AADACL2: variants seen among roughly 807,000 people sequenced by gnomAD.
The protein encoded by AADACL2 is arylacetamide deacetylase-like 2.
AADACL2 carries 23 observed loss-of-function variants against 22.3 expected under a neutral mutation model. The ratio of observed to expected loss-of-function variants is 1.03; its 90% CI spans 0.74 to 1.46. The LOEUF is 1.46. Ranked by LOEUF, AADACL2 falls within the 40% of genes most tolerant of loss-of-function variation. The pLI, the probability that AADACL2 is intolerant of heterozygous loss-of-function variation, is 0.00. For missense variants in AADACL2, 472 were observed against 482.9 expected (o/e 0.98, Z 0.21); for synonymous variants, 177 against 166.2 (o/e 1.07, Z -0.50).
chr3:151,734,090 T>G lies in AADACL2; in HGVS notation c.55T>G (p.Phe19Val). ...GCTTTGTGTTCTTTTTGTCTCTCAT[T>G]TTTACACACCCATGCCAGACAACAT... ...GLLCVLFVSH[F>V]YTPMPDNIEE... Residue 19 changes from phenylalanine (F) to valine (V), a missense_variant, in exon 1 of 5, where the codon TTT becomes GTT. Physicochemically the swap from Phe to Val is conservative, Grantham distance 50. Around this residue, in one of 3 missense-constraint regions of AADACL2, gnomAD observed 356 missense variants for 365.5 expected, o/e 0.97. Coordinates refer to ENST00000356517, the MANE Select transcript of AADACL2 (RefSeq NM_207365.4). 6.2e-7 allele frequency: 1 copy of G among 1,613,558 alleles called. No individual in the cohort carries two copies. The highest frequency in any genetic ancestry group is 8.5e-7 in the Non-Finnish European group (1 of 1,179,776).
chr3:151,752,031 C>A (rs922160934), intron 4 of AADACL2, among the ~76,000 whole-genome samples: 4 of 152,156 alleles, frequency 2.6e-5, no homozygotes, highest in African/African-American at 9.7e-5. Flanking sequence ...TTTCTTTATC[C>A]TTTCCTATTT....
chr3:151,734,731 T>C (rs998932564), intron 1 of AADACL2, among the ~76,000 whole-genome samples: 2 of 152,170 alleles, frequency 1.3e-5, no homozygotes, highest in Non-Finnish European at 2.9e-5. Context: ...TAGAAACTAA[T>C]ATTTTTGAGT....
At position 151,745,467 on chromosome 3, in the gene AADACL2, G is replaced by A. The variant is rs763451183; in HGVS notation, c.432-42G>A. On this transcript the variant is annotated intron_variant, in intron 3 of 4. Transcript: ENST00000356517. ...CTATTTGGTATTTGAGAATTAGATG[G>A]ACAGATACAACCATAAATGCTTTAT... is the stretch of plus-strand genomic sequence containing the variant. 16 of 1,572,052 alleles carry A rather than the reference G, an allele frequency of 1.0e-5. No homozygotes were observed. In the South Asian group the frequency reaches 1.8e-4, roughly 18 times the overall value.
rs543895559 is a variant in AADACL2, at chr3:151,755,797, T to C, written c.604-1195T>C. Among the ~76,000 whole-genome samples, 3 of 152,208 alleles carry C rather than the reference T, an allele frequency of 2.0e-5. No homozygotes were observed. The East Asian group carries it at 5.8e-4, about 29-fold the overall frequency. On this transcript the variant is annotated intron_variant, in intron 4 of 4. Transcript: ENST00000356517. The stretch of plus-strand genomic sequence containing the variant: ...CCCTGTTTATGTGTTCTCTGTTTGT[T>C]TTTTTCCTAGATTAGCGAGATTGAG...
At position 151,757,970 on chromosome 3, in the gene AADACL2, TA is replaced by T; in HGVS notation, c.*381del. 1 of 166,076 alleles carries T rather than the reference TA, an allele frequency of 6.0e-6. No individual in the cohort carries two copies. The highest frequency in any genetic ancestry group is 1.7e-4 in the East Asian group (1 of 5,792). The allele number at this position is 166,076 out of a possible 1,614,324, so 10.3% of individuals were successfully genotyped here. A position where few individuals can be genotyped will look rare whatever the true frequency, so the allele number is the denominator to read the frequency against. On this transcript the variant is annotated 3_prime_UTR_variant, in exon 5 of 5. Transcript: ENST00000356517. ...AAAAAACATGGAACAAACTTGCTGC[TA>T]AAAATATATGGAAACCACTGGACTA...
chr3:151,756,002 T>C (rs1247507063), intron 4 of AADACL2, among the ~76,000 whole-genome samples: 1 of 152,134 alleles, frequency 6.6e-6, no homozygotes, highest in East Asian at 1.9e-4. Flanking sequence ...GTAGAGATGG[T>C]AGGATACCAT....
intron 2 of AADACL2, among the ~76,000 whole-genome samples, chr3:151,743,885 T>C (rs181276803): frequency 1.3e-5 from 2 of 152,100 alleles, no homozygotes; most frequent in African/African-American, 4.8e-5. Context: ...GGTGAAGTCA[T>C]CCTTTTCCTC....
chr3:151,741,567 T>G (rs796655864), intron 2 of AADACL2, among the ~76,000 whole-genome samples: 5 of 152,268 alleles, frequency 3.3e-5, no homozygotes, highest in African/African-American at 1.2e-4. Context: ...TTCTTAATGT[T>G]TTCAATACAT....
Position 151,758,468 on chromosome 3 carries a change from C to A in AADACL2, c.*874C>A, listed in dbSNP as rs1013758034. 11 of 151,968 alleles carry A rather than the reference C, an allele frequency of 7.2e-5. No individual in the cohort carries two copies. The highest frequency in any genetic ancestry group is 2.7e-4 in the African/African-American group (11 of 41,366). The allele number at this position is 151,968 out of a possible 1,614,324, so 9.4% of individuals were successfully genotyped here. ...CCCCACCCTTTTCTATATAAAGTAA[C>A]CTTCAGAGATTAGGATGTAGTTATC... On this transcript the variant is annotated 3_prime_UTR_variant, in exon 5 of 5. Transcript: ENST00000356517.
chr3:151,744,548 C>G (rs183424465), intron 3 of AADACL2, among the ~76,000 whole-genome samples: 1 of 152,188 alleles, frequency 6.6e-6, no homozygotes, highest in East Asian at 1.9e-4. Flanking sequence ...TTGAAGTAAT[C>G]TAAATACTAT....
chr3:151,745,490 T>C lies in AADACL2; in HGVS notation c.432-19T>C. ...TGGACAGATACAACCATAAATGCTT[T>C]ATTATTCTTTCTTTAAAGCTATAGG... On this transcript the variant is annotated intron_variant, in intron 3 of 4. Transcript: ENST00000356517. 5 of 1,603,020 alleles carry C rather than the reference T, an allele frequency of 3.1e-6. No homozygotes were observed. The highest frequency in any genetic ancestry group is 1.1e-5 in the South Asian group (1 of 87,974).
At chr3:151,749,038 T>C (rs1713556071) in intron 4 of AADACL2, among the ~76,000 whole-genome samples, 1 of 152,198 alleles carries the variant, frequency 6.6e-6, no homozygotes, top group Non-Finnish European at 1.5e-5. Flanking sequence ...TCTTTTGTGG[T>C]TCCATATTAA....
intron 1 of AADACL2, among the ~76,000 whole-genome samples, chr3:151,738,433 C>T (rs1265180617): frequency 6.6e-6 from 1 of 152,044 alleles, no homozygotes; most frequent in African/African-American, 2.4e-5. Context: ...TACATTTTTC[C>T]TTTGTTTTAA....
At position 151,757,344 on chromosome 3, in the gene AADACL2, C is replaced by CTT; in HGVS notation, c.956_957insTT (p.Leu320SerfsTer14). The CTT allele has an allele frequency of 6.2e-7, 1 of 1,613,716 alleles. No individual in the cohort carries two copies. Among genetic ancestry groups the CTT allele is most frequent in the Non-Finnish European group, 8.5e-7 (1 of 1,179,714 alleles). On this transcript the variant is annotated frameshift_variant, in exon 5 of 5. Transcript: ENST00000356517. LOFTEE classifies it low-confidence loss of function (END_TRUNC). ...GGACTTACAGACAGCAGAGCATTAC[C>CTT]CTTGTTGGCCAATGATTCTCAGTTA... is the stretch of plus-strand genomic sequence containing the variant.
At position 151,745,636 on chromosome 3, in the gene AADACL2, G is replaced by T. The variant is rs770009039; in HGVS notation, c.559G>T (p.Gly187Ter). ...GGATCCCACCCGAATCTGCATTGCG[G>T]GAGACAGTTCTGGGGGCAATTTAGC... is the stretch of plus-strand genomic sequence containing the variant. ...GVDPTRICIAGDSSGGNLATA... is the reference protein window; with the variant it reads ...GVDPTRICIA The change falls in exon 4 of 5, where the codon GGA becomes TGA. Residue 187 changes from glycine (G) to a stop codon, truncating the protein, a stop_gained. Coordinates refer to ENST00000356517, the MANE Select transcript of AADACL2 (RefSeq NM_207365.4). LOFTEE classifies it low-confidence loss of function (END_TRUNC). The T allele has an allele frequency of 6.2e-7, 1 of 1,612,848 alleles. No individual in the cohort carries two copies. Among genetic ancestry groups the T allele is most frequent in the Non-Finnish European group, 8.5e-7 (1 of 1,179,592 alleles).
chr3:151,751,169 G>A (rs1340660491), intron 4 of AADACL2, among the ~76,000 whole-genome samples: 7 of 152,136 alleles, frequency 4.6e-5, no homozygotes, highest in African/African-American at 1.7e-4. Context: ...AGTAAAATGA[G>A]GAGTATGATG....
In AADACL2 at chr3:151,745,563, T is replaced by G; in HGVS notation, c.486T>G (p.Ala162=). 2 of 1,613,932 alleles carry G rather than the reference T, an allele frequency of 1.2e-6. 1 individual carries two copies. Residue 162 remains alanine, a synonymous_variant, in exon 4 of 5, where the codon GCT becomes GCG. Coordinates refer to ENST00000356517, the MANE Select transcript of AADACL2 (RefSeq NM_207365.4). Reference sequence around the variant, plus strand: ...CTGCTCAGTTTGAAGATGGCCTTGCTGCAGTCAAATTTTTTCTTTTGGAAA... The same window carrying G: ...CTGCTCAGTTTGAAGATGGCCTTGCGGCAGTCAAATTTTTTCTTTTGGAAA... ...HFPAQFEDGL[A]AVKFFLLEKI...
intron 2 of AADACL2, among the ~76,000 whole-genome samples, chr3:151,741,961 G>T (rs1053897467): frequency 1.3e-5 from 2 of 152,096 alleles, no homozygotes; most frequent in Admixed American, 1.3e-4. Flanking sequence ...CTAAATTCTA[G>T]ATGTCTTTTG....
chr3:151,754,402 C>T (rs897078529), intron 4 of AADACL2, among the ~76,000 whole-genome samples: 3 of 152,020 alleles, frequency 2.0e-5, no homozygotes, highest in African/African-American at 7.2e-5. Flanking sequence ...ACTTGAAAAA[C>T]ACGGCCTATA....
Sources: gnomAD v4.1 joint callset for allele counts (sites outside exome capture counted in the v4.1 genomes callset) on GRCh38, gnomAD v4.1.1 for gene constraint, gnomAD v4.1.1 regional missense constraint, MANE v1.5 for transcripts, NCBI Gene and HGNC (gene_info 2026-07-23, HGNC 2026-07-21) for gene names.